Variants in PITPNM2 observed in about 807,000 individuals in gnomAD.
PITPNM2 encodes membrane-associated phosphatidylinositol transfer protein 2.
PITPNM2 carries 35 observed loss-of-function variants against 132.2 expected under a neutral mutation model. That is an observed-to-expected ratio of 0.26 (90% CI 0.20 to 0.35). The LOEUF (loss-of-function observed/expected upper bound fraction) is 0.35, where lower values mean the gene tolerates loss of function less well. PITPNM2 is among the 10% of genes least tolerant of loss of function. The pLI is 1.00. For missense variants in PITPNM2, 1,332 were observed against 1,912.0 expected (o/e 0.70, Z 5.66); for synonymous variants, 738 against 799.2 (o/e 0.92, Z 1.29).
upstream of PITPNM2, among the ~76,000 whole-genome samples, chr12:123,151,510 G>GC (rs1384824215): frequency 6.6e-6 from 1 of 152,156 alleles, no homozygotes; most frequent in Non-Finnish European, 1.5e-5. Flanking sequence ...AGCGCAGCGG[G>GC]CAGCTCACCG....
chr12:123,093,902 C>A (rs1055834215), intron 2 of PITPNM2, among the ~76,000 whole-genome samples: 9 of 152,214 alleles, frequency 5.9e-5, no homozygotes, highest in Non-Finnish European at 1.0e-4. Context: ...CCACCAGAAC[C>A]CCCTGGGCAG....
In PITPNM2 at chr12:123,008,386, G is replaced by C. The variant is rs1479651695; in HGVS notation, c.643+1464C>G. Among the ~76,000 whole-genome samples the C allele has an allele frequency of 6.6e-6, 1 of 152,210 alleles. No homozygotes were observed. The highest frequency in any genetic ancestry group is 1.5e-5 in the Non-Finnish European group (1 of 68,032). ...GAGGGTGGGACGAGTCACCAGCGCT[G>C]ATGTGTTCAGGTTCCTGGAGGTCGA... On this transcript the variant is annotated intron_variant, in intron 6 of 25. Coordinates refer to ENST00000320201, the MANE Select transcript of PITPNM2 (RefSeq NM_020845.3). The surrounding 1 kb of genome is among the most constrained non-coding windows in gnomAD (Gnocchi z 4.1).
chr12:123,130,690 G>A (rs955281299), intron 1 of PITPNM2, among the ~76,000 whole-genome samples: 1 of 152,294 alleles, frequency 6.6e-6, no homozygotes, highest in Admixed American at 6.5e-5. Context: ...TGAGGCAGGA[G>A]AATGGCGTGA....
Position 123,005,047 on chromosome 12 carries a change from T to C in PITPNM2, c.952+193A>G, listed in dbSNP as rs2038864578. On this transcript the variant is annotated intron_variant, in intron 7 of 25. Coordinates refer to ENST00000320201, the MANE Select transcript of PITPNM2 (RefSeq NM_020845.3). This position sits in a 1 kb window ranked among gnomAD's most constrained non-coding sequence, Gnocchi z 6.2. ...TTCCCTGGGCATGGAGGGGAAGTGT[T>C]GGGGAGCCCACTGGGGCAGGGCCCA... Among the ~76,000 whole-genome samples, 1 of 151,876 alleles carries C rather than the reference T, an allele frequency of 6.6e-6. No homozygotes were observed. Among genetic ancestry groups the C allele is most frequent in the South Asian group, 2.1e-4 (1 of 4,806 alleles).
chr12:122,992,651 G>A lies in PITPNM2; in HGVS notation c.2252C>T (p.Ala751Val), dbSNP rs1402641325. The A allele has an allele frequency of 1.9e-6, 3 of 1,563,142 alleles. No individual in the cohort carries two copies. Among genetic ancestry groups the A allele is most frequent in the South Asian group, 2.4e-5 (2 of 84,968 alleles). Reference protein sequence around the residue: ...PALDVFQLRPACQQVYNLFHP... With the variant: ...PALDVFQLRPVCQQVYNLFHP... ...GAAGAGGTTGTAGACTTGCTGGCAG[G>A]CCGGCCGCAGCTGGAAAACTGGGGG... Residue 751 changes from alanine (A) to valine (V), a missense_variant, in exon 16 of 26, where the codon GCC becomes GTC. Coordinates refer to ENST00000320201, the MANE Select transcript of PITPNM2 (RefSeq NM_020845.3). The surrounding 1 kb of genome is among the most constrained non-coding windows in gnomAD (Gnocchi z 6.5).
rs1306896604 is a variant in PITPNM2 at position 123,036,469 on chromosome 12, G to A, written c.-95-1784C>T. Among the ~76,000 whole-genome samples, 1 of 152,158 alleles carries A rather than the reference G, an allele frequency of 6.6e-6. No homozygotes were observed. The highest frequency in any genetic ancestry group is 2.4e-5 in the African/African-American group (1 of 41,436). On this transcript the variant is annotated intron_variant, in intron 2 of 25. Coordinates refer to ENST00000320201, the MANE Select transcript of PITPNM2 (RefSeq NM_020845.3). The surrounding 1 kb of genome is among the most constrained non-coding windows in gnomAD (Gnocchi z 4.1). ...TGCCAAGGCAGGTGGACTGCTTGAG[G>A]TCAAGCAAGCTCAAGACCAGCCTGG...
chr12:123,122,760 G>A (rs1470223755), intron 1 of PITPNM2, among the ~76,000 whole-genome samples: 1 of 152,208 alleles, frequency 6.6e-6, no homozygotes, highest in Non-Finnish European at 1.5e-5. Context: ...TAATGGGAAT[G>A]AACAGTCTTA....
At chr12:123,044,824 C>G (rs2040601244) in intron 2 of PITPNM2, among the ~76,000 whole-genome samples, 1 of 151,990 alleles carries the variant, frequency 6.6e-6, no homozygotes, top group African/African-American at 2.4e-5. Flanking sequence ...CACTCTTTAC[C>G]CAGGCTAGAT....
intron 2 of PITPNM2, among the ~76,000 whole-genome samples, chr12:123,079,769 G>A (rs2041903491): frequency 6.6e-6 from 1 of 152,034 alleles, no homozygotes; most frequent in Non-Finnish European, 1.5e-5. Flanking sequence ...TTTTATTGCA[G>A]TAAAATACAT....
In PITPNM2 at chr12:123,035,758, G is replaced by C. The variant is rs182794185; in HGVS notation, c.-95-1073C>G. ...CCCCTTAAAACCCAAGCCCCAGATG[G>C]CTGAAGCTTTGCCATAAATATCATT... On this transcript the variant is annotated intron_variant, in intron 2 of 25. Transcript: ENST00000320201. Among the ~76,000 whole-genome samples the C allele has an allele frequency of 2.0e-5, 3 of 152,254 alleles. No individual in the cohort carries two copies. In the East Asian group the frequency reaches 5.8e-4, roughly 29 times the overall value.
chr12:123,136,741 CA>C (rs2043390399), intron 1 of PITPNM2, among the ~76,000 whole-genome samples: 1 of 151,848 alleles, frequency 6.6e-6, no homozygotes, highest in Admixed American at 6.6e-5. Context: ...ACTAAAAATA[CA>C]AAAAATTAGC....
At chr12:123,076,966 G>A (rs914535356) in intron 2 of PITPNM2, among the ~76,000 whole-genome samples, 3 of 151,942 alleles carry the variant, frequency 2.0e-5, no homozygotes, top group African/African-American at 4.8e-5. Flanking sequence ...TGCCTGTGCC[G>A]GGCATGGGTC....
At chr12:123,130,831 TC>T (rs1169202075) in intron 1 of PITPNM2, among the ~76,000 whole-genome samples, 2 of 152,110 alleles carry the variant, frequency 1.3e-5, no homozygotes, top group Non-Finnish European at 2.9e-5. Flanking sequence ...AGAACAGCCT[TC>T]CCTGTAATAA....
At chr12:123,047,197 G>A (rs1300018997) in intron 2 of PITPNM2, among the ~76,000 whole-genome samples, 1 of 152,310 alleles carries the variant, frequency 6.6e-6, no homozygotes, top group South Asian at 2.1e-4. Context: ...TACAACACAA[G>A]CTAACAGCTG....
intron 3 of PITPNM2, among the ~76,000 whole-genome samples, chr12:123,019,618 C>T (rs2136310546): frequency 6.6e-6 from 1 of 152,350 alleles, no homozygotes; most frequent in Admixed American, 6.5e-5. Context: ...CCGCAAGCCC[C>T]ATCAGCCAAA....
At chr12:123,075,450 A>G (rs1404769941) in intron 2 of PITPNM2, 2 of 152,248 alleles carry the variant, frequency 1.3e-5, no homozygotes, top group African/African-American at 2.4e-5. Context: ...CCAGGGAAAA[A>G]TAAATCAGAC....
chr12:123,073,415 C>G (rs2041675119), intron 2 of PITPNM2, among the ~76,000 whole-genome samples: 1 of 152,090 alleles, frequency 6.6e-6, no homozygotes, highest in South Asian at 2.1e-4. Context: ...TGCCTTGTCT[C>G]TAACAACAGC....
chr12:123,008,295 G>T lies in PITPNM2; in HGVS notation c.643+1555C>A, dbSNP rs2039026977. Among the ~76,000 whole-genome samples the T allele has an allele frequency of 6.6e-6, 1 of 152,212 alleles. No individual in the cohort carries two copies. The highest frequency in any genetic ancestry group is 1.5e-5 in the Non-Finnish European group (1 of 68,048). On this transcript the variant is annotated intron_variant, in intron 6 of 25. Coordinates refer to ENST00000320201, the MANE Select transcript of PITPNM2 (RefSeq NM_020845.3). This position sits in a 1 kb window ranked among gnomAD's most constrained non-coding sequence, Gnocchi z 4.1. ...CAGACCCACAGAGCCAGAGTGCCAG[G>T]AGCTGCAGCCTTAGTAGGTCTGCTG...
At position 122,986,547 on chromosome 12, in the gene PITPNM2, G is replaced by A. The variant is rs12811109; in HGVS notation, c.3615C>T (p.His1205=). Residue 1205 remains histidine, a synonymous_variant, in exon 25 of 26, where the codon CAC becomes CAT. Transcript: ENST00000320201. ...CGTCCTTGGTGGAGCCATAGGCCGCGTGCACGCGCAGGTGCAGCTGTGGGG... is the reference window on the plus strand; with the variant it reads ...CGTCCTTGGTGGAGCCATAGGCCGCATGCACGCGCAGGTGCAGCTGTGGGG... ...LLISELHLRV[H]AAYGSTKDVA... 0.19 allele frequency: 302,845 copies of A among 1,596,344 alleles called. 30,736 individuals are homozygous for A. The highest frequency in any genetic ancestry group is 0.23 in the Middle Eastern group (1,388 of 5,998).
Sources: allele counts gnomAD v4.1 joint callset (sites outside exome capture counted in the v4.1 genomes callset), GRCh38; gene constraint gnomAD v4.1.1; non-coding constraint Gnocchi (gnomAD v3.1); transcripts MANE v1.5; gene names NCBI Gene and HGNC (gene_info 2026-07-23, HGNC 2026-07-21).